The following RAB4A variants were observed in gnomAD, a reference collection of about 807,000 sequenced individuals.
The protein encoded by RAB4A is ras-related protein Rab-4A.
Under a neutral mutation model 34.5 loss-of-function variants are expected in RAB4A, and 20 were observed. The ratio of observed to expected loss-of-function variants is 0.58; its 90% CI spans 0.41 to 0.84. The LOEUF (loss-of-function observed/expected upper bound fraction) is 0.84. Ranked by LOEUF, RAB4A falls within the 40% of genes least tolerant of loss-of-function variation. RAB4A has a pLI of 0.00. For missense variants in RAB4A, 228 were observed against 274.5 expected, an observed-to-expected ratio of 0.83 and a Z score of 1.20; for synonymous variants, 102 against 100.0, an observed-to-expected ratio of 1.02 and a Z score of -0.12.
chr1:229,299,224 T>C, intron 6 of RAB4A, 152 bp downstream of exon 6: 1 of 589,572 alleles, frequency 1.7e-6, no homozygotes, highest in South Asian at 2.6e-5. Flanking sequence ...GGTTCAAAGG[T>C]CCTGTTCTTA....
At chr1:229,285,710 G>A (rs941081468) in intron 1 of RAB4A, among the ~76,000 whole-genome samples, 2 of 152,224 alleles carry the variant, frequency 1.3e-5, no homozygotes, top group Admixed American at 6.5e-5. Context: ...TGGTACTCCC[G>A]AGCTCCTAAG....
rs1365379730 is a variant in RAB4A, at chr1:229,305,398, A to C, written c.*1605A>C. 1 of 1,031,582 alleles carries C rather than the reference A, an allele frequency of 9.7e-7. No individual in the cohort carries two copies. The highest frequency in any genetic ancestry group is 1.7e-5 in the African/African-American group (1 of 60,230). 63.9% of individuals were successfully genotyped at this position (1,031,582 alleles called of 1,614,324 possible). A position where few individuals can be genotyped will look rare whatever the true frequency, so the allele number is the denominator to read the frequency against. On this transcript the variant is annotated 3_prime_UTR_variant, in exon 8 of 8. Transcript: ENST00000366690. The stretch of plus-strand genomic sequence containing the variant: ...CTTATTCAAAAGCAAGAATTTTAAA[A>C]ATAAGATAAATGTAAAGTTGTTTTA...
rs142406743 is a variant in RAB4A at position 229,299,030 on chromosome 1, T to G, written c.499T>G (p.Phe167Val). ...ALTGENVEEA[F>V]VQCARKILNK... ...CACAGGGGAGAATGTAGAAGAGGCT[T>G]TTGTACAGTGTGCAAGAAAAATACT... The change falls in exon 6 of 8, where the codon TTT (phenylalanine) becomes GTT (valine). Residue 167 changes from phenylalanine (F) to valine (V), a missense_variant. Phe to Val is a conservative substitution (Grantham distance 50). Transcript: ENST00000366690. 8 of 1,610,580 alleles carry G rather than the reference T, an allele frequency of 5.0e-6. No homozygotes were observed. Among genetic ancestry groups the G allele is most frequent in the Non-Finnish European group, 5.1e-6 (6 of 1,179,300 alleles).
intron 6 of RAB4A, 149 bp from the exon 7 acceptor site, chr1:229,302,713 A>C: frequency 1.8e-6 from 1 of 546,030 alleles, no homozygotes; most frequent in South Asian, 2.5e-5. Flanking sequence ...TGCCGGTGCA[A>C]GCAAACATAT....
chr1:229,279,779 T>C (rs1656736675), intron 1 of RAB4A, among the ~76,000 whole-genome samples: 1 of 152,184 alleles, frequency 6.6e-6, no homozygotes, highest in African/African-American at 2.4e-5. Flanking sequence ...TGTTTTGGGG[T>C]GTGGTCTTTC....
intron 1 of RAB4A, among the ~76,000 whole-genome samples, chr1:229,275,029 T>C (rs1656604248): frequency 6.6e-6 from 1 of 152,254 alleles, no homozygotes; most frequent in African/African-American, 2.4e-5. Flanking sequence ...ATATTTTCCT[T>C]AAAAATGTAT....
Position 229,299,065 on chromosome 1 carries a change from C to T in RAB4A, c.534C>T (p.Ile178=), listed in dbSNP as rs201956275. Residue 178 remains isoleucine (I), a synonymous_variant, in exon 6 of 8, where the codon ATC becomes ATT. Transcript: ENST00000366690. ...VQCARKILNK[I]ESGELDPERM... is the part of the protein sequence containing the mutation. Reference sequence around the variant, plus strand: ...GTGCAAGAAAAATACTTAACAAAATCGAATCAGGTAAAAGCCTTTCCATTA... The same window carrying T: ...GTGCAAGAAAAATACTTAACAAAATTGAATCAGGTAAAAGCCTTTCCATTA... 1.9e-5 allele frequency: 30 copies of T among 1,603,564 alleles called. No homozygotes were observed. The highest frequency in any genetic ancestry group is 8.1e-5 in the African/African-American group (6 of 74,256).
chr1:229,289,885 C>A (rs1238887379), intron 3 of RAB4A, among the ~76,000 whole-genome samples: 1 of 152,206 alleles, frequency 6.6e-6, no homozygotes, highest in Non-Finnish European at 1.5e-5. Flanking sequence ...TAATCACCAT[C>A]ATTTTTCTGG....
chr1:229,305,553 G>T lies in RAB4A; in HGVS notation c.*1760G>T. 1 of 308,240 alleles carries T rather than the reference G, an allele frequency of 3.2e-6. No individual in the cohort carries two copies. The highest frequency in any genetic ancestry group is 6.0e-6 in the Non-Finnish European group (1 of 165,536). 19.1% of individuals were successfully genotyped at this position (308,240 alleles called of 1,614,324 possible). ...TTGCCTTTAGGGAGAATGAGGAGGA[G>T]AGATAATTGGGTATTGTTCAGGCTA... On this transcript the variant is annotated 3_prime_UTR_variant, in exon 8 of 8. Coordinates refer to ENST00000366690, the MANE Select transcript of RAB4A (RefSeq NM_004578.4).
At position 229,283,307 on chromosome 1, in the gene RAB4A, C is replaced by T. The variant is rs140484926; in HGVS notation, c.32-3179C>T. Among the ~76,000 whole-genome samples, 56 of 152,322 alleles carry T rather than the reference C, an allele frequency of 3.7e-4. 4 individuals are homozygous for T. The East Asian group carries it at 0.011, about 29-fold the overall frequency. ...CCAGCAGAGATGAAAGCCCTAGCTC[C>T]CTACTTGGTCTTCTCTGACACCATC... On this transcript the variant is annotated intron_variant, in intron 1 of 7. Transcript: ENST00000366690.
intron 1 of RAB4A, among the ~76,000 whole-genome samples, chr1:229,274,513 G>A (rs1351847860): frequency 6.6e-6 from 1 of 152,144 alleles, no homozygotes; most frequent in Non-Finnish European, 1.5e-5. Context: ...TGTACTTTAT[G>A]TAATATCGTG....
At chr1:229,281,991 G>A (rs1293136475) in intron 1 of RAB4A, among the ~76,000 whole-genome samples, 1 of 151,828 alleles carries the variant, frequency 6.6e-6, no homozygotes, top group East Asian at 1.9e-4. Flanking sequence ...AAGAAGGAAA[G>A]CCTATTGTAT....
chr1:229,279,021 A>G (rs1656716088), intron 1 of RAB4A, among the ~76,000 whole-genome samples: 2 of 152,224 alleles, frequency 1.3e-5, no homozygotes, highest in South Asian at 4.1e-4. Context: ...TTTACCTTAA[A>G]GCCTATTCCT....
intron 1 of RAB4A, among the ~76,000 whole-genome samples, chr1:229,273,611 C>T (rs111364334): frequency 0.01 from 1,568 of 152,200 alleles, 33 homozygotes; most frequent in African/African-American, 0.036. Context: ...CATGGTGGTA[C>T]GCTTGTAGTC....
At chr1:229,301,364 G>T in intron 6 of RAB4A, among the ~76,000 whole-genome samples, 1 of 151,968 alleles carries the variant, frequency 6.6e-6, no homozygotes, top group East Asian at 1.9e-4. Flanking sequence ...GAGGAGAGTC[G>T]GGCCCAGGTA....
intron 1 of RAB4A, among the ~76,000 whole-genome samples, chr1:229,280,934 C>A (rs1011880426): frequency 3.3e-5 from 5 of 152,150 alleles, no homozygotes; most frequent in African/African-American, 1.2e-4. Flanking sequence ...GAGATACATT[C>A]CAGGTTATTG....
intron 3 of RAB4A, among the ~76,000 whole-genome samples, chr1:229,290,652 G>A (rs1292264836): frequency 1.3e-5 from 2 of 152,190 alleles, no homozygotes; most frequent in African/African-American, 4.8e-5. Flanking sequence ...TAAAGAAGCT[G>A]GAACTTTGAG....
intron 7 of RAB4A, among the ~76,000 whole-genome samples, 176 bp from the exon 8 acceptor site, chr1:229,303,630 T>G (rs769422671): frequency 3.9e-5 from 6 of 152,306 alleles, no homozygotes; most frequent in Non-Finnish European, 7.4e-5. Flanking sequence ...TTTTAAAGCT[T>G]CTTCTTTTTT....
chr1:229,273,546 C>T (rs1571818499), intron 1 of RAB4A, among the ~76,000 whole-genome samples: 1 of 152,184 alleles, frequency 6.6e-6, no homozygotes, highest in Non-Finnish European at 1.5e-5. Context: ...TCAATACCAG[C>T]CTGGCCAACA....
Sources: gnomAD v4.1 joint callset for allele counts (sites outside exome capture counted in the v4.1 genomes callset) on GRCh38, gnomAD v4.1.1 for gene constraint, MANE v1.5 for transcripts, NCBI Gene and HGNC (gene_info 2026-07-23, HGNC 2026-07-21) for gene names.